The following ARID1B variants were observed in gnomAD, a reference collection of about 807,000 sequenced individuals.
The protein encoded by ARID1B is AT-rich interaction domain 1B.
ARID1B carries 30 observed loss-of-function variants against 212.3 expected under a neutral mutation model. The ratio of observed to expected loss-of-function variants is 0.14; its 90% confidence interval spans 0.11 to 0.19. The LOEUF (loss-of-function observed/expected upper bound fraction) is 0.19. Ranked by LOEUF, ARID1B falls within the 10% of genes least tolerant of loss-of-function variation. ARID1B has a pLI of 1.00. For missense variants in ARID1B, 2,891 were observed against 3,204.0 expected, an observed-to-expected ratio of 0.90 and a Z score of 2.36; for synonymous variants, 1,402 against 1,301.7, an observed-to-expected ratio of 1.08 and a Z score of -1.66.
At chr6:157,199,215 G>T (rs1449836411) in intron 17 of ARID1B, among the ~76,000 whole-genome samples, 2 of 152,152 alleles carry the variant, frequency 1.3e-5, no homozygotes, top group South Asian at 2.1e-4. Context: ...TGTATCTATT[G>T]TGCATACTGT....
intron 4 of ARID1B, among the ~76,000 whole-genome samples, chr6:157,004,909 T>TG (rs1779142830): frequency 8.9e-6 from 1 of 112,606 alleles, no homozygotes; most frequent in Non-Finnish European, 1.8e-5. Context: ...TTTTTTTTTT[T>TG]TTTTTTTTTT....
chr6:156,805,296 A>G (rs1781076603), intron 1 of ARID1B, among the ~76,000 whole-genome samples: 1 of 152,164 alleles, frequency 6.6e-6, no homozygotes, highest in African/African-American at 2.4e-5. Flanking sequence ...GTAGTGAGGG[A>G]ATGAGACAGG....
chr6:157,178,590 C>T (rs933654469), intron 11 of ARID1B, among the ~76,000 whole-genome samples: 3 of 152,300 alleles, frequency 2.0e-5, no homozygotes, highest in African/African-American at 7.2e-5. Flanking sequence ...CAGTTTCCTA[C>T]ATTATGGTGC....
intron 4 of ARID1B, among the ~76,000 whole-genome samples, chr6:157,074,642 T>C (rs1784198449): frequency 6.6e-6 from 1 of 152,212 alleles, no homozygotes; most frequent in African/African-American, 2.4e-5. Context: ...TCTTTTGGTC[T>C]CTCCCTTGTT....
At chr6:156,804,867 CAAAAAAAA>C (rs61315445) in intron 1 of ARID1B, among the ~76,000 whole-genome samples, 2 of 85,084 alleles carry the variant, frequency 2.4e-5, no homozygotes, top group African/African-American at 4.3e-5. Context: ...ATCTGATTGG[CAAAAAAAA>C]AAAAAAAAAA....
At chr6:156,819,504 T>C (rs1239631785) in intron 1 of ARID1B, among the ~76,000 whole-genome samples, 1 of 152,226 alleles carries the variant, frequency 6.6e-6, no homozygotes, top group East Asian at 1.9e-4. Flanking sequence ...ATTTACTCAT[T>C]GAATTGACTT....
chr6:157,157,451 AGGCTGATGACCAGCAGGT>A (rs1386077617), intron 8 of ARID1B, among the ~76,000 whole-genome samples: 1 of 152,238 alleles, frequency 6.6e-6, no homozygotes, highest in Non-Finnish European at 1.5e-5. Context: ...GCCAGGTGTC[AGGCTGATGACCAGCAGGT>A]GGTGAATTTT....
chr6:156,983,815 G>A (rs1303295943), intron 4 of ARID1B, among the ~76,000 whole-genome samples: 1 of 152,054 alleles, frequency 6.6e-6, no homozygotes. Context: ...ATTTAAATCT[G>A]GTTTTGGTCT....
At chr6:156,989,101 C>G (rs768078545) in intron 4 of ARID1B, among the ~76,000 whole-genome samples, 2 of 152,138 alleles carry the variant, frequency 1.3e-5, no homozygotes, top group Non-Finnish European at 2.9e-5. Flanking sequence ...TCTCCTACTC[C>G]CATTCTTTGA....
intron 5 of ARID1B, among the ~76,000 whole-genome samples, chr6:157,106,904 C>T (rs893610463): frequency 7.2e-5 from 11 of 152,156 alleles, no homozygotes; most frequent in African/African-American, 2.7e-4. Context: ...ATAGAATCAC[C>T]GTTAGCCGAT....
intron 2 of ARID1B, among the ~76,000 whole-genome samples, chr6:156,841,156 C>G (rs1707064817): frequency 6.6e-6 from 1 of 152,182 alleles, no homozygotes; most frequent in Non-Finnish European, 1.5e-5. Context: ...GAGCACAGTT[C>G]ACATCCATGT....
chr6:157,189,974 G>C (rs1373316899), intron 14 of ARID1B, 64 bp from the exon 15 acceptor site: 20 of 1,593,222 alleles, frequency 1.3e-5, no homozygotes, highest in South Asian at 1.1e-5. Flanking sequence ...TTCATCTTCT[G>C]AATGTACTGT....
intron 7 of ARID1B, among the ~76,000 whole-genome samples, chr6:157,133,464 A>G (rs1314162196): frequency 6.6e-6 from 1 of 152,174 alleles, no homozygotes; most frequent in East Asian, 1.9e-4. Flanking sequence ...GTTACTAGTG[A>G]AGTAGGGGAC....
At chr6:156,828,545 G>A (rs1397859604) in intron 1 of ARID1B, among the ~76,000 whole-genome samples, 2 of 152,148 alleles carry the variant, frequency 1.3e-5, no homozygotes, top group Non-Finnish European at 2.9e-5. Context: ...CGGCCCTGAA[G>A]CCCAGGGCCT....
At chr6:157,122,836 A>G (rs1018387660) in intron 6 of ARID1B, among the ~76,000 whole-genome samples, 2 of 151,942 alleles carry the variant, frequency 1.3e-5, no homozygotes, top group South Asian at 2.1e-4. Flanking sequence ...GCACCACCAC[A>G]CCCAGCTAAC....
At chr6:156,822,632 C>T (rs929860457) in intron 1 of ARID1B, among the ~76,000 whole-genome samples, 2 of 152,320 alleles carry the variant, frequency 1.3e-5, no homozygotes, top group East Asian at 1.9e-4. Context: ...TTGCCGTAAA[C>T]GGGTTTTTAT....
At chr6:157,053,783 A>C (rs958960492) in intron 4 of ARID1B, among the ~76,000 whole-genome samples, 8 of 152,184 alleles carry the variant, frequency 5.3e-5, no homozygotes, top group African/African-American at 1.9e-4. Context: ...TCTTCTATGA[A>C]AGTGGATGAG....
At position 156,944,725 on chromosome 6, in the gene ARID1B, C is replaced by T. The variant is rs147936136; in HGVS notation, c.2247+9149C>T. On this transcript the variant is annotated intron_variant, in intron 4 of 19. Transcript: ENST00000636930. ...GAGGCCTCCCTTCACCTCCAAACCTCAGGTTTACATTTGTTATACTAAAAA... is the reference window on the plus strand; with the variant it reads ...GAGGCCTCCCTTCACCTCCAAACCTTAGGTTTACATTTGTTATACTAAAAA... Among the ~76,000 whole-genome samples, 468 of 152,298 alleles carry T rather than the reference C, an allele frequency of 3.1e-3. 4 individuals are homozygous for T. Among genetic ancestry groups the T allele is most frequent in the African/African-American group, 0.011 (440 of 41,556 alleles).
intron 11 of ARID1B, chr6:157,175,462 A>G (rs1220865745): frequency 6.6e-6 from 1 of 152,260 alleles, no homozygotes; most frequent in Non-Finnish European, 1.5e-5. Context: ...CCTACCTGAA[A>G]GAAGTAAATA....
Sources: allele counts gnomAD v4.1 joint callset (sites outside exome capture counted in the v4.1 genomes callset), GRCh38; gene constraint gnomAD v4.1.1; transcripts MANE v1.5; gene names NCBI Gene and HGNC (gene_info 2026-07-23, HGNC 2026-07-21).